Variants in VPS13C observed in about 807,000 individuals in gnomAD.
VPS13C encodes intermembrane lipid transfer protein VPS13C.
In VPS13C, 358 loss-of-function variants were observed where a neutral mutation model predicts 456.8. The observed-to-expected ratio is 0.78, with a 90% CI of 0.72 to 0.86. VPS13C has a LOEUF of 0.86. VPS13C is among the 40% of genes least tolerant of loss of function. The pLI, the probability that VPS13C is intolerant of heterozygous loss-of-function variation, is 0.00. For missense variants in VPS13C, 4,818 were observed against 4,385.4 expected (o/e 1.10, Z -2.79); for synonymous variants, 1,578 against 1,486.7 (o/e 1.06, Z -1.41).
At position 62,041,350 on chromosome 15, in the gene VPS13C, G is replaced by A; in HGVS notation, c.161C>T (p.Pro54Leu). 6.2e-7 allele frequency: 1 copy of A among 1,606,516 alleles called. No homozygotes were observed. The highest frequency in any genetic ancestry group is 8.5e-7 in the Non-Finnish European group (1 of 1,178,170). The change falls in exon 3 of 85, where the codon CCT (proline) becomes CTT (leucine). Residue 54 changes from proline (P) to leucine (L), a missense_variant. Physicochemically the swap from Pro to Leu is moderately conservative, Grantham distance 98. This residue lies in a region of VPS13C where 4,552 missense variants were observed against 4,130.6 expected (regional missense o/e 1.10). Coordinates refer to ENST00000644861, the MANE Select transcript of VPS13C (RefSeq NM_020821.3). The stretch of plus-strand genomic sequence containing the variant: ...AATTTGGCCAGCCTTGACTTTAAAA[G>A]GAACATCCAATTCACTCTTCAGAAG... The part of the protein sequence containing the change: ...KENALSELDV[P>L]FKVKAGQIDK...
At position 61,908,270 on chromosome 15, in the gene VPS13C, A is replaced by C. The variant is rs562595210; in HGVS notation, c.8978+722T>G. ...CTCTCACTGGATTCACTCCATTAGA[A>C]TTAAGACTAGGGAAATCTTTAACAA... On this transcript the variant is annotated intron_variant, in intron 65 of 84. Coordinates refer to ENST00000644861, the MANE Select transcript of VPS13C (RefSeq NM_020821.3). 8.5e-5 allele frequency among the ~76,000 whole-genome samples: 13 copies of C among 152,268 alleles called. No homozygotes were observed. The East Asian group carries it at 2.5e-3, about 29-fold the overall frequency.
chr15:62,022,713 A>G (rs1178010487), intron 8 of VPS13C, among the ~76,000 whole-genome samples: 1 of 151,970 alleles, frequency 6.6e-6, no homozygotes, highest in African/African-American at 2.4e-5. Flanking sequence ...TTAAAAACAA[A>G]AAGAATGCAA....
At chr15:61,947,376 A>C in intron 42 of VPS13C, 67 bp from the exon 43 acceptor site, 1 of 1,167,604 alleles carries the variant, frequency 8.6e-7, no homozygotes, top group Non-Finnish European at 1.2e-6. Flanking sequence ...CAATAACCTC[A>C]AATCCACCAA....
chr15:61,917,163 AGC>A (rs2140166782), intron 60 of VPS13C, among the ~76,000 whole-genome samples, 176 bp downstream of exon 60: 1 of 152,322 alleles, frequency 6.6e-6, no homozygotes, highest in South Asian at 2.1e-4. Context: ...AAGCACACAG[AGC>A]AGTTCCTGGC....
At chr15:61,931,419 T>C (rs2044051903) in intron 49 of VPS13C, among the ~76,000 whole-genome samples, 160 bp from the exon 50 acceptor site, 1 of 152,146 alleles carries the variant, frequency 6.6e-6, no homozygotes, top group Non-Finnish European at 1.5e-5. Context: ...ATAATATGCA[T>C]GTTTGTGAGC....
chr15:61,973,368 A>T, intron 26 of VPS13C, 86 bp downstream of exon 26: 1 of 1,112,378 alleles, frequency 9.0e-7, no homozygotes, highest in South Asian at 1.4e-5. Flanking sequence ...GCACTTTCAG[A>T]CTGCCCTTAT....
chr15:62,055,458 G>T (rs1473011684), intron 1 of VPS13C, among the ~76,000 whole-genome samples: 4 of 148,876 alleles, frequency 2.7e-5, no homozygotes, highest in Non-Finnish European at 4.4e-5. Context: ...AGCCAGGATG[G>T]TCTCGATCTC....
At chr15:61,958,369 T>C (rs1347267331) in intron 37 of VPS13C, among the ~76,000 whole-genome samples, 1 of 152,108 alleles carries the variant, frequency 6.6e-6, no homozygotes, top group Non-Finnish European at 1.5e-5. Context: ...TTCTTCTTTA[T>C]GGCCTCCTCT....
chr15:61,873,808 T>TC (rs1566960889), intron 77 of VPS13C, among the ~76,000 whole-genome samples: 1 of 151,954 alleles, frequency 6.6e-6, no homozygotes, highest in African/African-American at 2.4e-5. Context: ...GATCCAGCAA[T>TC]CCAACTACTG....
chr15:61,884,244 GT>G lies in VPS13C; in HGVS notation c.9366del (p.Lys3122AsnfsTer14), dbSNP rs775841187. On this transcript the variant is annotated frameshift_variant, in exon 68 of 85. Transcript: ENST00000644861. LOFTEE classifies it high-confidence loss of function. ...CTAAATGGCTTCCATTTCTGCTTTG[GT>G]TTCACCTCCCAAACAACACCAGAAC... is the stretch of plus-strand genomic sequence containing the variant. Reference protein sequence around the residue: ...ITSSGVVWEVKPKQKWKPFSQ... With the variant: ...ITSSGVVWEVXPKQKWKPFSQ... 3.2e-5 allele frequency: 52 copies of G among 1,610,372 alleles called. No individual in the cohort carries two copies. Among genetic ancestry groups the G allele is most frequent in the Non-Finnish European group, 4.4e-5 (52 of 1,178,808 alleles).
At chr15:61,862,337 A>G (rs192368176) in intron 82 of VPS13C, among the ~76,000 whole-genome samples, 29 of 152,168 alleles carry the variant, frequency 1.9e-4, no homozygotes, top group Non-Finnish European at 4.1e-4. Flanking sequence ...TGATTTTTCA[A>G]TGTACTTGAA....
intron 17 of VPS13C, 66 bp from the exon 18 acceptor site, chr15:61,991,160 A>G: frequency 8.2e-7 from 1 of 1,213,544 alleles, no homozygotes; most frequent in Non-Finnish European, 1.2e-6. Flanking sequence ...AAAAAGACTA[A>G]CCAAACTAAC....
chr15:61,945,830 G>C lies in VPS13C; in HGVS notation c.5033C>G (p.Pro1678Arg). 1 of 1,612,680 alleles carries C rather than the reference G, an allele frequency of 6.2e-7. No individual in the cohort carries two copies. Among genetic ancestry groups the C allele is most frequent in the South Asian group, 1.1e-5 (1 of 90,804 alleles). Reference protein sequence around the residue: ...EVFRFQLTLYPDATEGEAYAD... With the variant: ...EVFRFQLTLYRDATEGEAYAD... ...ATAGGCCTCTCCTTCTGTGGCATCT[G>C]GATAAAGAGTCAGTTGGAACCTAAA... The change falls in exon 45 of 85, where the codon CCA becomes CGA. Residue 1678 changes from proline (P) to arginine (R), a missense_variant. By Grantham distance (103) the Pro-to-Arg change is moderately radical. Around this residue, in one of 3 missense-constraint regions of VPS13C, gnomAD observed 4,552 missense variants for 4,130.6 expected, o/e 1.10. Coordinates refer to ENST00000644861, the MANE Select transcript of VPS13C (RefSeq NM_020821.3).
At chr15:61,905,636 ATC>A (rs751426572) in intron 66 of VPS13C, among the ~76,000 whole-genome samples, 1 of 152,130 alleles carries the variant, frequency 6.6e-6, no homozygotes, top group Non-Finnish European at 1.5e-5. Context: ...AATAAAATGT[ATC>A]TGTCATTTAT....
chr15:62,017,510 C>CCAGTTT (rs2047300580), intron 9 of VPS13C, among the ~76,000 whole-genome samples: 1 of 152,020 alleles, frequency 6.6e-6, no homozygotes, highest in Non-Finnish European at 1.5e-5. Context: ...ATATGGCTAG[C>CCAGTTT]CAGTTTTCCC....
chr15:62,047,698 C>A (rs12898209), intron 1 of VPS13C, among the ~76,000 whole-genome samples: 83,409 of 151,860 alleles, frequency 0.55, 23,208 homozygotes, highest in Admixed American at 0.63. Flanking sequence ...CAAGCAGTAG[C>A]TGAGTACTTA....
rs74019296 is a variant in VPS13C, at chr15:62,042,275, C to T, written c.145-909G>A. ...AATAACTTTTTTTATTCACAGAATA[C>T]TAAACAACTGATATCCATAATGATA... On this transcript the variant is annotated intron_variant, in intron 2 of 84. Transcript: ENST00000644861. Among the ~76,000 whole-genome samples, 471 of 152,100 alleles carry T rather than the reference C, an allele frequency of 3.1e-3. 1 individual carries two copies. The highest frequency in any genetic ancestry group is 0.011 in the African/African-American group (455 of 41,500).
intron 9 of VPS13C, among the ~76,000 whole-genome samples, chr15:62,014,803 T>C (rs754667796): frequency 1.3e-5 from 2 of 152,242 alleles, no homozygotes; most frequent in East Asian, 3.9e-4. Context: ...AGTACAATAA[T>C]ATTTTACAGG....
chr15:61,942,144 T>C, intron 45 of VPS13C, 77 bp from the exon 46 acceptor site: 1 of 1,277,628 alleles, frequency 7.8e-7, no homozygotes. Flanking sequence ...GCATTTACTT[T>C]AAAAACTAAA....
Sources: allele counts gnomAD v4.1 joint callset (sites outside exome capture counted in the v4.1 genomes callset), GRCh38; gene constraint gnomAD v4.1.1; regional missense constraint gnomAD v4.1.1; transcripts MANE v1.5; gene names NCBI Gene and HGNC (gene_info 2026-07-23, HGNC 2026-07-21).